The following CFAP47 variants were observed in gnomAD, a reference collection of about 807,000 sequenced individuals.
CFAP47 encodes cilia- and flagella-associated protein 47.
Under a neutral mutation model 148.1 loss-of-function variants are expected in CFAP47, and 29 were observed. That is an observed-to-expected ratio of 0.20 (90% CI 0.15 to 0.27). The LOEUF (loss-of-function observed/expected upper bound fraction) is 0.27, where lower values mean the gene tolerates loss of function less well. Among genes scored for constraint, CFAP47 ranks in the 10% least tolerant of loss-of-function variants. CFAP47 has a pLI of 1.00. For synonymous variants in CFAP47, 664 were observed against 577.3 expected (o/e 1.15, Z -2.15); for missense variants, 1,872 against 1,697.5 (o/e 1.10, Z -1.81).
At chrX:35,932,238 C>T (rs1364300034) in intron 2 of CFAP47, among the ~76,000 whole-genome samples, 1 of 105,636 alleles carries the variant, frequency 9.5e-6, no homozygotes, top group East Asian at 3.0e-4. Flanking sequence ...TTCTTTTTTT[C>T]TTTTCTTTTC....
intron 62 of CFAP47, among the ~76,000 whole-genome samples, chrX:36,374,577 T>A (rs782225625): frequency 9.0e-6 from 1 of 111,331 alleles, no homozygotes; most frequent in East Asian, 2.8e-4. Context: ...CTGCTAACTT[T>A]GGGTTTAGTT....
intron 48 of CFAP47, among the ~76,000 whole-genome samples, chrX:36,240,474 G>A (rs1940528910): frequency 9.0e-6 from 1 of 111,334 alleles, no homozygotes; most frequent in African/African-American, 3.3e-5. Context: ...TTCTGGTGTT[G>A]ACGAGTACAA....
At chrX:36,285,390 G>A (rs781825561) in intron 50 of CFAP47, among the ~76,000 whole-genome samples, 2 of 111,631 alleles carry the variant, frequency 1.8e-5, no homozygotes, top group Non-Finnish European at 3.8e-5. Flanking sequence ...TGAGTTACTG[G>A]CATAGGTATA....
At chrX:36,261,331 T>C (rs1556000003) in intron 49 of CFAP47, among the ~76,000 whole-genome samples, 1 of 94,245 alleles carries the variant, frequency 1.1e-5, no homozygotes, top group African/African-American at 4.1e-5. Flanking sequence ...TTTTTTTTTT[T>C]TTTTTTTTTT....
chrX:36,316,454 T>C (rs781844339), intron 56 of CFAP47, among the ~76,000 whole-genome samples: 18 of 112,528 alleles, frequency 1.6e-4, no homozygotes, highest in African/African-American at 5.8e-4. Context: ...CAATCTTTTT[T>C]AAATGAAATC....
intron 33 of CFAP47, among the ~76,000 whole-genome samples, chrX:36,113,922 G>A (rs777902669): frequency 9.3e-6 from 1 of 107,579 alleles, no homozygotes; most frequent in Non-Finnish European, 1.9e-5. Context: ...CCATTCTCCT[G>A]CCTCAGACTC....
intron 2 of CFAP47, among the ~76,000 whole-genome samples, chrX:35,929,815 A>G (rs780957608): frequency 9.0e-6 from 1 of 110,628 alleles, no homozygotes; most frequent in South Asian, 3.9e-4. Flanking sequence ...CCTGGCCAAC[A>G]TGGAGAAACC....
At chrX:36,312,889 A>G (rs1324054148) in intron 56 of CFAP47, among the ~76,000 whole-genome samples, 2 of 111,190 alleles carry the variant, frequency 1.8e-5, no homozygotes, top group African/African-American at 6.5e-5. Context: ...ACAGACCTTT[A>G]ATATCTTGTT....
rs757136173 is a variant in CFAP47 at position 35,948,337 on chromosome X, G to A, written c.541G>A (p.Gly181Ser). ...AGGCATATTTAAGGCAGAATACCAC[G>A]GCCAATTACCCATCCTCATTTTTCC... is the stretch of plus-strand genomic sequence containing the variant. ...APGIFKAEYH[G>S]QLPILIFPTS... Residue 181 changes from glycine (G) to serine (S), a missense_variant, in exon 4 of 64, where the codon GGC becomes AGC. Physicochemically the swap from Gly to Ser is moderately conservative, Grantham distance 56. Transcript: ENST00000378653. 1.2e-5 allele frequency: 15 copies of A among 1,201,259 alleles called. No individual in the cohort carries two copies. The highest frequency in any genetic ancestry group is 1.1e-4 in the South Asian group (6 of 56,359).
chrX:36,384,566 G>A (rs145350741), intron 63 of CFAP47, among the ~76,000 whole-genome samples: 1,333 of 111,534 alleles, frequency 0.012, 12 homozygotes, highest in African/African-American at 0.041. Flanking sequence ...AGATGGATGC[G>A]TAGTTTACAG....
intron 57 of CFAP47, among the ~76,000 whole-genome samples, chrX:36,347,104 C>T (rs781916559): frequency 2.0e-4 from 22 of 111,801 alleles, no homozygotes; most frequent in Admixed American, 1.7e-3. Flanking sequence ...AACAAACCAC[C>T]TCATCAAAAA....
intron 61 of CFAP47, among the ~76,000 whole-genome samples, chrX:36,365,077 G>A (rs782241273): frequency 9.3e-6 from 1 of 107,853 alleles, no homozygotes; most frequent in East Asian, 2.9e-4. Context: ...AAATCTTCTT[G>A]TAAGATGGTA....
rs782648898 is a variant in CFAP47, at chrX:36,209,323, ATTTC to A, written c.6817+4217_6817+4220del. On this transcript the variant is annotated intron_variant, in intron 45 of 63. Coordinates refer to ENST00000378653, the MANE Select transcript of CFAP47 (RefSeq NM_001304548.2). Reference sequence around the variant, plus strand: ...ATTTGCAAAACAAATTTAAAATTGAATTTCTTTAACTCACTTAGAAATATAATTT... The same window carrying A: ...ATTTGCAAAACAAATTTAAAATTGAATTTAACTCACTTAGAAATATAATTT... 5.0e-3 allele frequency among the ~76,000 whole-genome samples: 558 copies of A among 111,555 alleles called. 1 individual carries two copies. Among genetic ancestry groups the A allele is most frequent in the African/African-American group, 0.017 (533 of 30,710 alleles).
chrX:36,345,593 C>T (rs1312817898), intron 57 of CFAP47, among the ~76,000 whole-genome samples: 10 of 111,534 alleles, frequency 9.0e-5, no homozygotes, highest in African/African-American at 2.3e-4. Flanking sequence ...GGGTTGGGGA[C>T]CCCTGGTTTA....
At chrX:35,934,263 A>C (rs1028302413) in intron 2 of CFAP47, among the ~76,000 whole-genome samples, 5 of 111,130 alleles carry the variant, frequency 4.5e-5, no homozygotes, top group African/African-American at 1.6e-4. Flanking sequence ...GCTGGTACTC[A>C]AACCACAAGA....
At position 36,073,962 on chromosome X, in the gene CFAP47, G is replaced by A. The variant is rs1053330022; in HGVS notation, c.4691+598G>A. Among the ~76,000 whole-genome samples, 17 of 111,986 alleles carry A rather than the reference G, an allele frequency of 1.5e-4. No homozygotes were observed. In the Admixed American group the frequency reaches 1.5e-3, roughly 10 times the overall value. ...CAGAGCTTTTCTACCTGCTTTCTCA[G>A]CAATGAGGTAACTTGCTGCAACCAC... On this transcript the variant is annotated intron_variant, in intron 29 of 63. Transcript: ENST00000378653.
intron 45 of CFAP47, among the ~76,000 whole-genome samples, chrX:36,225,080 G>T (rs782076828): frequency 1.8e-5 from 2 of 109,966 alleles, no homozygotes; most frequent in African/African-American, 6.6e-5. Flanking sequence ...ACATATATTC[G>T]GTTATCTTTA....
At chrX:36,028,555 G>A (rs774418626) in intron 22 of CFAP47, among the ~76,000 whole-genome samples, 1 of 110,879 alleles carries the variant, frequency 9.0e-6, no homozygotes, top group East Asian at 2.8e-4. Context: ...TCAGTGTTTT[G>A]TAGCTCTCCT....
intron 55 of CFAP47, among the ~76,000 whole-genome samples, chrX:36,307,586 A>C (rs1941361208): frequency 9.0e-6 from 1 of 110,859 alleles, no homozygotes. Flanking sequence ...TTTTATGTAA[A>C]ATTTTACCAT....
Sources: gnomAD v4.1 joint callset for allele counts (sites outside exome capture counted in the v4.1 genomes callset) on GRCh38, gnomAD v4.1.1 for gene constraint, MANE v1.5 for transcripts, NCBI Gene and HGNC (gene_info 2026-07-23, HGNC 2026-07-21) for gene names.